The following ZNF804B variants were observed in gnomAD, a reference collection of about 807,000 sequenced individuals.
ZNF804B encodes the protein zinc finger protein 804B.
A neutral mutation model predicts 101.4 loss-of-function variants in ZNF804B; 80 were observed. The observed-to-expected ratio is 0.79, with a 90% CI of 0.66 to 0.95. ZNF804B has a LOEUF of 0.95. ZNF804B is among the 40% of genes least tolerant of loss of function. ZNF804B has a pLI of 0.00. For missense variants in ZNF804B, 1,673 were observed against 1,561.9 expected, an observed-to-expected ratio of 1.07 and a Z score of -1.20; for synonymous variants, 622 against 558.8, an observed-to-expected ratio of 1.11 and a Z score of -1.59.
intron 1 of ZNF804B, among the ~76,000 whole-genome samples, chr7:89,071,246 A>G (rs1474534244): frequency 6.6e-6 from 1 of 152,148 alleles, no homozygotes; most frequent in African/African-American, 2.4e-5. Flanking sequence ...AACCCACTCA[A>G]TTCAAGGGTT....
intron 1 of ZNF804B, among the ~76,000 whole-genome samples, chr7:88,978,698 T>C (rs1370624616): frequency 5.9e-5 from 9 of 151,720 alleles, no homozygotes. Flanking sequence ...AAACTTAGTC[T>C]ATTTATATTC....
At chr7:88,913,722 T>C (rs1276339251) in intron 1 of ZNF804B, among the ~76,000 whole-genome samples, 2 of 152,164 alleles carry the variant, frequency 1.3e-5, no homozygotes, top group African/African-American at 2.4e-5. Context: ...TTAAGCATCA[T>C]ATGTACTCTT....
chr7:89,090,869 T>TA (rs1212013469), intron 1 of ZNF804B, among the ~76,000 whole-genome samples: 3 of 152,014 alleles, frequency 2.0e-5, no homozygotes, highest in Admixed American at 6.6e-5. Context: ...TGAAAATATT[T>TA]AAAAAGCTAT....
intron 3 of ZNF804B, among the ~76,000 whole-genome samples, chr7:89,330,474 A>G (rs1219874005): frequency 6.6e-6 from 1 of 151,690 alleles, no homozygotes; most frequent in African/African-American, 2.4e-5. Flanking sequence ...GAATATATAC[A>G]ATTTTTTTCC....
In ZNF804B at chr7:88,965,251, A is replaced by G. The variant is rs542920577; in HGVS notation, c.108+205167A>G. ...TTTTTCCTGCATTATAATGGAGTGA[A>G]ATCATGTGTTCAGAGGACTTGCAGA... On this transcript the variant is annotated intron_variant, in intron 1 of 3. Coordinates refer to ENST00000333190, the MANE Select transcript of ZNF804B (RefSeq NM_181646.5). Among the ~76,000 whole-genome samples, 15 of 151,520 alleles carry G rather than the reference A, an allele frequency of 9.9e-5. No individual in the cohort carries two copies. The South Asian group carries it at 3.1e-3, about 31-fold the overall frequency.
chr7:88,858,860 T>A (rs1168787086), intron 1 of ZNF804B, among the ~76,000 whole-genome samples: 5 of 152,114 alleles, frequency 3.3e-5, no homozygotes, highest in African/African-American at 7.2e-5. Flanking sequence ...TGCCAATATT[T>A]TCTGACTTTT....
Position 88,839,860 on chromosome 7 carries a change from C to CTA in ZNF804B, c.108+79779_108+79780dup, listed in dbSNP as rs552247748. ...AGTCAGGAGGACTAAATCAAATAAT[C>CTA]TATACATAGCACGTGGCATATAATA... is the stretch of plus-strand genomic sequence containing the variant. On this transcript the variant is annotated intron_variant, in intron 1 of 3. Transcript: ENST00000333190. Among the ~76,000 whole-genome samples, 37 of 152,038 alleles carry CTA rather than the reference C, an allele frequency of 2.4e-4. No homozygotes were observed. The East Asian group carries it at 7.2e-3, about 29-fold the overall frequency.
intron 1 of ZNF804B, among the ~76,000 whole-genome samples, chr7:88,935,379 A>G (rs1004864676): frequency 4.0e-5 from 6 of 151,584 alleles, no homozygotes; most frequent in Non-Finnish European, 7.4e-5. Flanking sequence ...TAAAAAAAAA[A>G]AAAAAAAGAA....
intron 2 of ZNF804B, among the ~76,000 whole-genome samples, chr7:89,231,232 G>A (rs146136867): frequency 2.3e-3 from 354 of 152,054 alleles, no homozygotes; most frequent in African/African-American, 7.7e-3. Flanking sequence ...ATTTACTTTG[G>A]AAGCACTGTT....
At chr7:88,764,377 T>A (rs192728571) in intron 1 of ZNF804B, among the ~76,000 whole-genome samples, 1 of 152,308 alleles carries the variant, frequency 6.6e-6, no homozygotes, top group East Asian at 1.9e-4. Context: ...ATTGTCTTAA[T>A]GCATTGGGTA....
At chr7:89,071,325 A>G (rs1789535725) in intron 1 of ZNF804B, among the ~76,000 whole-genome samples, 1 of 152,158 alleles carries the variant, frequency 6.6e-6, no homozygotes, top group African/African-American at 2.4e-5. Context: ...TTTGACAAAA[A>G]TGTTAATTTT....
chr7:88,800,789 A>T (rs543843800), intron 1 of ZNF804B, among the ~76,000 whole-genome samples: 5 of 151,658 alleles, frequency 3.3e-5, no homozygotes, highest in Non-Finnish European at 5.9e-5. Context: ...GTGGCACACC[A>T]TTAAGAAAAT....
Position 88,864,241 on chromosome 7 carries a change from A to G in ZNF804B, c.108+104157A>G, listed in dbSNP as rs986191106. 2.6e-5 allele frequency among the ~76,000 whole-genome samples: 4 copies of G among 152,316 alleles called. No homozygotes were observed. The East Asian group carries it at 7.7e-4, about 29-fold the overall frequency. ...ATTCAGTTACATGTTTCAAATGCCT[A>G]GTGTAATAAGCTCTTAAGCATGCAA... On this transcript the variant is annotated intron_variant, in intron 1 of 3. Coordinates refer to ENST00000333190, the MANE Select transcript of ZNF804B (RefSeq NM_181646.5).
At chr7:88,837,005 C>A (rs10251005) in intron 1 of ZNF804B, among the ~76,000 whole-genome samples, 9,854 of 151,864 alleles carry the variant, frequency 0.065, 964 homozygotes, top group African/African-American at 0.21. Flanking sequence ...TGCCACAAGC[C>A]AGAAAGGACA....
intron 1 of ZNF804B, among the ~76,000 whole-genome samples, chr7:89,143,337 T>C (rs1790744678): frequency 6.6e-6 from 1 of 151,694 alleles, no homozygotes; most frequent in Non-Finnish European, 1.5e-5. Flanking sequence ...CTCCATCCTT[T>C]AGGATGGATG....
intron 1 of ZNF804B, among the ~76,000 whole-genome samples, chr7:88,894,812 T>A (rs1792263529): frequency 6.6e-6 from 1 of 152,062 alleles, no homozygotes; most frequent in African/African-American, 2.4e-5. Context: ...GATGCAATTA[T>A]GAAGATAAAA....
At chr7:88,951,771 A>C (rs1793227449) in intron 1 of ZNF804B, among the ~76,000 whole-genome samples, 1 of 151,870 alleles carries the variant, frequency 6.6e-6, no homozygotes, top group African/African-American at 2.4e-5. Flanking sequence ...AAAACAAAAC[A>C]AAACCCATTA....
chr7:88,947,585 GGT>G (rs955975284), intron 1 of ZNF804B, among the ~76,000 whole-genome samples: 6 of 151,506 alleles, frequency 4.0e-5, no homozygotes, highest in African/African-American at 1.5e-4. Context: ...CAGGTTGATG[GGT>G]GCAGCAAACC....
At position 89,105,046 on chromosome 7, in the gene ZNF804B, G is replaced by C. The variant is rs114489145; in HGVS notation, c.109-113109G>C. ...ACCAATCTAAAGAATGGAACAATTC[G>C]CTTAAACTATACCTTCTGATTTCAA... On this transcript the variant is annotated intron_variant, in intron 1 of 3. Transcript: ENST00000333190. Among the ~76,000 whole-genome samples the C allele has an allele frequency of 5.1e-3, 782 of 152,162 alleles. 5 individuals carry two copies. Among genetic ancestry groups the C allele is most frequent in the African/African-American group, 0.015 (618 of 41,522 alleles).
Sources: allele counts gnomAD v4.1 joint callset (sites outside exome capture counted in the v4.1 genomes callset), GRCh38; gene constraint gnomAD v4.1.1; transcripts MANE v1.5; gene names NCBI Gene and HGNC (gene_info 2026-07-23, HGNC 2026-07-21).